LRRC8D: variants seen among roughly 807,000 people sequenced by gnomAD.
The protein encoded by LRRC8D is leucine rich repeat containing 8 VRAC subunit D, also known as volume-regulated anion channel subunit LRRC8D.
A neutral mutation model predicts 55.8 loss-of-function variants in LRRC8D; 20 were observed. That is an observed-to-expected ratio of 0.36 (90% CI 0.25 to 0.52). LRRC8D has a LOEUF of 0.52. Ranked by LOEUF, LRRC8D falls within the 20% of genes least tolerant of loss-of-function variation. The pLI is 0.93. For missense variants in LRRC8D, 651 were observed against 1,030.8 expected (o/e 0.63, Z 5.05); for synonymous variants, 352 against 377.0 (o/e 0.93, Z 0.77).
At chr1:89,916,507 TG>T (rs1663271629) in intron 2 of LRRC8D, among the ~76,000 whole-genome samples, 1 of 152,218 alleles carries the variant, frequency 6.6e-6, no homozygotes, top group African/African-American at 2.4e-5. Flanking sequence ...AGCTCTAAAA[TG>T]TTTTTTAATG....
At chr1:89,931,359 A>C in intron 2 of LRRC8D, among the ~76,000 whole-genome samples, 1 of 151,876 alleles carries the variant, frequency 6.6e-6, no homozygotes, top group East Asian at 1.9e-4. Flanking sequence ...TCATTGTGTC[A>C]TCCAAGGAAG....
At chr1:89,917,085 C>T (rs1051388429) in intron 2 of LRRC8D, among the ~76,000 whole-genome samples, 7 of 152,208 alleles carry the variant, frequency 4.6e-5, no homozygotes, top group Non-Finnish European at 1.0e-4. Flanking sequence ...ATACTACCAA[C>T]TTAAGAACTG....
chr1:89,891,133 G>A (rs923329950), intron 2 of LRRC8D, among the ~76,000 whole-genome samples: 8 of 152,196 alleles, frequency 5.3e-5, no homozygotes, highest in African/African-American at 1.9e-4. Context: ...GCCCGCCTCA[G>A]CCTCCCAAAG....
intron 2 of LRRC8D, among the ~76,000 whole-genome samples, chr1:89,928,775 GA>G (rs777929697): frequency 1.3e-4 from 20 of 152,210 alleles, no homozygotes; most frequent in Non-Finnish European, 2.2e-4. Context: ...CAAGGTGCTT[GA>G]AAACTACCAT....
At chr1:89,896,088 G>A (rs927128397) in intron 2 of LRRC8D, among the ~76,000 whole-genome samples, 1 of 152,178 alleles carries the variant, frequency 6.6e-6, no homozygotes, top group Non-Finnish European at 1.5e-5. Flanking sequence ...TAGGTTTCCA[G>A]ACTAACAACC....
chr1:89,913,884 C>T (rs1384160847), intron 2 of LRRC8D, among the ~76,000 whole-genome samples: 1 of 152,208 alleles, frequency 6.6e-6, no homozygotes, highest in Non-Finnish European at 1.5e-5. Flanking sequence ...CAGATCCTCT[C>T]AGGCCATGGT....
intron 2 of LRRC8D, among the ~76,000 whole-genome samples, chr1:89,861,316 A>T (rs1661716401): frequency 6.6e-6 from 1 of 152,334 alleles, no homozygotes; most frequent in East Asian, 1.9e-4. Flanking sequence ...GGTCAAAATG[A>T]TAAGAGGATT....
At chr1:89,870,683 C>T (rs912067585) in intron 2 of LRRC8D, among the ~76,000 whole-genome samples, 2 of 152,134 alleles carry the variant, frequency 1.3e-5, no homozygotes, top group African/African-American at 4.8e-5. Context: ...ACCCCCTCCC[C>T]ACCTTCCCCT....
intron 1 of LRRC8D, among the ~76,000 whole-genome samples, chr1:89,829,979 T>A (rs1356162796): frequency 2.6e-5 from 4 of 152,170 alleles, no homozygotes; most frequent in African/African-American, 9.7e-5. Context: ...TACCTAATAT[T>A]TGCTAAGGTG....
At chr1:89,906,155 C>A (rs1662985360) in intron 2 of LRRC8D, among the ~76,000 whole-genome samples, 1 of 152,144 alleles carries the variant, frequency 6.6e-6, no homozygotes, top group Admixed American at 6.5e-5. Context: ...TCTGAATCTT[C>A]TTTCAAGCAT....
intron 2 of LRRC8D, among the ~76,000 whole-genome samples, chr1:89,915,985 AAAAG>A (rs756630534): frequency 1.3e-5 from 2 of 152,240 alleles, no homozygotes; most frequent in African/African-American, 2.4e-5. Context: ...GTCTCACAAA[AAAAG>A]AGAGAAAGAT....
intron 2 of LRRC8D, among the ~76,000 whole-genome samples, chr1:89,928,155 C>T (rs1321844987): frequency 3.3e-5 from 5 of 152,160 alleles, no homozygotes; most frequent in East Asian, 1.9e-4. Flanking sequence ...CTGCAACCTC[C>T]GCCACCCGGT....
intron 1 of LRRC8D, among the ~76,000 whole-genome samples, chr1:89,831,473 G>C (rs1290048651): frequency 2.0e-5 from 3 of 152,124 alleles, no homozygotes; most frequent in Non-Finnish European, 4.4e-5. Context: ...GACACACACA[G>C]AGAGAGAAGG....
chr1:89,912,227 G>C (rs188674725), intron 2 of LRRC8D, among the ~76,000 whole-genome samples: 4 of 152,040 alleles, frequency 2.6e-5, no homozygotes, highest in African/African-American at 9.7e-5. Flanking sequence ...CTTCAATCTT[G>C]CTTCTACATT....
Position 89,872,173 on chromosome 1 carries a change from A to AT in LRRC8D, c.-3+28393dup, listed in dbSNP as rs1662024569. 3.3e-5 allele frequency among the ~76,000 whole-genome samples: 5 copies of AT among 152,364 alleles called. No homozygotes were observed. The South Asian group carries it at 1.0e-3, about 32-fold the overall frequency. On this transcript the variant is annotated intron_variant, in intron 2 of 2. Coordinates refer to ENST00000337338, the MANE Select transcript of LRRC8D (RefSeq NM_001134479.2). ...GCCATAGTTTAAACGTAAATTATTC[A>AT]TTGACAGTAGCAAGCGTTGTGCAAA...
chr1:89,827,395 A>C (rs9970279), intron 1 of LRRC8D, among the ~76,000 whole-genome samples: 117,249 of 150,546 alleles, frequency 0.78, 46,405 homozygotes, highest in Middle Eastern at 0.88. Flanking sequence ...ATATAGTCTT[A>C]ATTGAGTTTT....
At chr1:89,891,107 C>T (rs1049343390) in intron 2 of LRRC8D, among the ~76,000 whole-genome samples, 5 of 152,118 alleles carry the variant, frequency 3.3e-5, no homozygotes, top group Middle Eastern at 3.2e-3. Flanking sequence ...GTCTCGATCT[C>T]GTGACCTTGT....
chr1:89,865,398 T>C (rs1661818595), intron 2 of LRRC8D, among the ~76,000 whole-genome samples: 1 of 149,538 alleles, frequency 6.7e-6, no homozygotes, highest in Non-Finnish European at 1.5e-5. Flanking sequence ...CTATTAAACA[T>C]TTTAAAATCG....
At chr1:89,876,691 T>C (rs1662156247) in intron 2 of LRRC8D, among the ~76,000 whole-genome samples, 2 of 152,244 alleles carry the variant, frequency 1.3e-5, no homozygotes, top group Admixed American at 1.3e-4. Context: ...GTTTCTGCAA[T>C]AAAGTTTCTT....
Sources: gnomAD v4.1 joint callset for allele counts (sites outside exome capture counted in the v4.1 genomes callset) on GRCh38, gnomAD v4.1.1 for gene constraint, MANE v1.5 for transcripts, NCBI Gene and HGNC (gene_info 2026-07-23, HGNC 2026-07-21) for gene names.